TACC2: variants seen among roughly 807,000 people sequenced by gnomAD.
TACC2 encodes transforming acidic coiled-coil-containing protein 2.
In TACC2, 137 loss-of-function variants were observed where a neutral mutation model predicts 227.3. That is an observed-to-expected ratio of 0.60 (90% CI 0.52 to 0.69). The LOEUF (loss-of-function observed/expected upper bound fraction) is 0.69, where lower values mean the gene tolerates loss of function less well. TACC2 is among the 30% of genes least tolerant of loss of function. The probability of loss-of-function intolerance (pLI) is 0.00; values close to 1 mark genes in which losing one functional copy is unlikely to be tolerated. For synonymous variants in TACC2, 1,523 were observed against 1,487.5 expected (o/e 1.02, Z -0.55); for missense variants, 3,470 against 3,694.4 (o/e 0.94, Z 1.57).
At chr10:122,057,480 T>C (rs2076322344) in intron 3 of TACC2, among the ~76,000 whole-genome samples, 1 of 151,986 alleles carries the variant, frequency 6.6e-6, no homozygotes, top group Non-Finnish European at 1.5e-5. Flanking sequence ...AGACTCCCTC[T>C]TGGCCAAAGG....
intron 2 of TACC2, among the ~76,000 whole-genome samples, chr10:122,024,537 G>A (rs12261551): frequency 6.6e-6 from 1 of 152,086 alleles, no homozygotes; most frequent in African/African-American, 2.4e-5. Flanking sequence ...CCCTTCTGTA[G>A]CCACACCCAC....
At chr10:122,108,770 C>T (rs564997197) in intron 5 of TACC2, among the ~76,000 whole-genome samples, 66 of 139,904 alleles carry the variant, frequency 4.7e-4, no homozygotes, top group African/African-American at 1.6e-3. Flanking sequence ...AGTCTCGCTG[C>T]GTCACCAGGC....
chr10:122,176,357 TC>T (rs1240684021), intron 7 of TACC2, among the ~76,000 whole-genome samples: 3 of 151,974 alleles, frequency 2.0e-5, no homozygotes, highest in African/African-American at 7.2e-5. Context: ...AAATTGGCAT[TC>T]CTGAAATTCT....
intron 9 of TACC2, among the ~76,000 whole-genome samples, chr10:122,214,868 A>G (rs2095368673): frequency 6.6e-6 from 1 of 152,082 alleles, no homozygotes; most frequent in Admixed American, 6.6e-5. Flanking sequence ...ATGGGAATCC[A>G]TTGAGCTCAA....
At chr10:122,241,703 C>T in intron 18 of TACC2, 1 of 547,022 alleles carries the variant, frequency 1.8e-6, no homozygotes. Context: ...CCTGGGACTG[C>T]AGGCATGCAC....
At chr10:122,203,633 A>T (rs1210650770) in intron 8 of TACC2, among the ~76,000 whole-genome samples, 1 of 150,352 alleles carries the variant, frequency 6.7e-6, no homozygotes, top group Non-Finnish European at 1.5e-5. Flanking sequence ...CACTTCCCAG[A>T]TGGGATGGCG....
At chr10:122,177,612 G>T (rs1373808659) in intron 7 of TACC2, among the ~76,000 whole-genome samples, 1 of 152,162 alleles carries the variant, frequency 6.6e-6, no homozygotes, top group Non-Finnish European at 1.5e-5. Context: ...GGGAGTGGAT[G>T]GCTCAGAGGT....
intron 1 of TACC2, among the ~76,000 whole-genome samples, chr10:122,012,690 G>A (rs1956097684): frequency 6.6e-6 from 1 of 151,372 alleles, no homozygotes; most frequent in Admixed American, 6.6e-5. Flanking sequence ...AAGCCTGGGG[G>A]AGCAAAGAGT....
chr10:122,137,317 C>T (rs1184140718), intron 6 of TACC2, among the ~76,000 whole-genome samples: 2 of 150,446 alleles, frequency 1.3e-5, no homozygotes, highest in African/African-American at 4.9e-5. Context: ...GCCTGGGTAA[C>T]CCTGCCTCTA....
At chr10:122,177,620 G>A (rs2093781733) in intron 7 of TACC2, among the ~76,000 whole-genome samples, 1 of 152,146 alleles carries the variant, frequency 6.6e-6, no homozygotes, top group Admixed American at 6.5e-5. Flanking sequence ...ATGGCTCAGA[G>A]GTGAAAGGTT....
At chr10:122,220,094 A>G (rs924852325) in intron 11 of TACC2, among the ~76,000 whole-genome samples, 1 of 151,828 alleles carries the variant, frequency 6.6e-6, no homozygotes, top group South Asian at 2.1e-4. Context: ...TATGATTTTG[A>G]TATGTGTGTG....
At chr10:122,075,082 C>A (rs1236593414) in intron 3 of TACC2, among the ~76,000 whole-genome samples, 2 of 151,802 alleles carry the variant, frequency 1.3e-5, no homozygotes, top group African/African-American at 4.8e-5. Flanking sequence ...ATAGATGCCA[C>A]AGTCAGAGAA....
chr10:122,244,926 G>A (rs2096076751), intron 19 of TACC2: 1 of 152,242 alleles, frequency 6.6e-6, no homozygotes, highest in African/African-American at 2.4e-5. Flanking sequence ...TTAGAATTCA[G>A]AAGAGAGAGA....
Position 122,170,200 on chromosome 10 carries a change from C to T in TACC2, c.5835-24840C>T, listed in dbSNP as rs528121201. Reference sequence around the variant, plus strand: ...CGAACCCAGCCCCACCCCCATCTTCCTCATCTCAACACCTGGGACCTTATT... The same window carrying T: ...CGAACCCAGCCCCACCCCCATCTTCTTCATCTCAACACCTGGGACCTTATT... On this transcript the variant is annotated intron_variant, in intron 7 of 22. Coordinates refer to ENST00000369005, the MANE Select transcript of TACC2 (RefSeq NM_206862.4). Among the ~76,000 whole-genome samples, 6 of 152,004 alleles carry T rather than the reference C, an allele frequency of 3.9e-5. No individual in the cohort carries two copies. The South Asian group carries it at 1.2e-3, about 32-fold the overall frequency.
At chr10:122,049,939 G>A (rs533575320) in intron 2 of TACC2, among the ~76,000 whole-genome samples, 7 of 152,290 alleles carry the variant, frequency 4.6e-5, no homozygotes, top group Non-Finnish European at 8.8e-5. Flanking sequence ...AGGATCCCAA[G>A]TGGTTGGGTC....
In TACC2 at chr10:122,086,269, T is replaced by G; in HGVS notation, c.3769T>G (p.Ser1257Ala). 1 of 1,613,990 alleles carries G rather than the reference T, an allele frequency of 6.2e-7. No individual in the cohort carries two copies. Among genetic ancestry groups the G allele is most frequent in the Non-Finnish European group, 8.5e-7 (1 of 1,180,034 alleles). The change falls in exon 4 of 23, where the codon TCC (serine) becomes GCC (alanine). Residue 1257 changes from serine (S) to alanine (A), a missense_variant. Coordinates refer to ENST00000369005, the MANE Select transcript of TACC2 (RefSeq NM_206862.4). ...AGAAGACAGTGGAGTGAAAGCTGTT[T>G]CCTCTGCAGACCCCAGAGCTCCTGG... ...GAEDSGVKAV[S>A]SADPRAPGES...
Position 122,085,873 on chromosome 10 carries a change from G to A in TACC2, c.3373G>A (p.Gly1125Ser), listed in dbSNP as rs1477845250. 8.1e-6 allele frequency: 13 copies of A among 1,613,190 alleles called. No homozygotes were observed. The highest frequency in any genetic ancestry group is 1.3e-5 in the African/African-American group (1 of 74,946). Reference protein sequence around the residue: ...ASFPSAGEQGGEAGAAETGGS... With the variant: ...ASFPSAGEQGSEAGAAETGGS... ...TTTCCCATCAGCTGGGGAGCAAGGT[G>A]GTGAAGCCGGGGCTGCTGAGACTGG... The change falls in exon 4 of 23, where the codon GGT becomes AGT. Residue 1125 changes from glycine (G) to serine (S), a missense_variant. By Grantham distance (56) the Gly-to-Ser change is moderately conservative (BLOSUM62 0). Around this residue, in one of 10 missense-constraint regions of TACC2, gnomAD observed 1,924 missense variants for 1,978.3 expected, o/e 0.97. Transcript: ENST00000369005.
chr10:122,043,574 T>C (rs200249374), intron 2 of TACC2, among the ~76,000 whole-genome samples: 1 of 10,670 alleles, frequency 9.4e-5, no homozygotes, highest in Non-Finnish European at 2.7e-4. Context: ...CTCTCTTTCT[T>C]TCTTCCTTTC....
intron 22 of TACC2, among the ~76,000 whole-genome samples, chr10:122,251,838 G>C (rs1448637840): frequency 6.6e-6 from 1 of 152,172 alleles, no homozygotes; most frequent in African/African-American, 2.4e-5. Context: ...TTTCCATCAG[G>C]GTTTGATGGT....
Sources: gnomAD v4.1 joint callset for allele counts (sites outside exome capture counted in the v4.1 genomes callset) on GRCh38, gnomAD v4.1.1 for gene constraint, gnomAD v4.1.1 regional missense constraint, MANE v1.5 for transcripts, NCBI Gene and HGNC (gene_info 2026-07-23, HGNC 2026-07-21) for gene names.